The following TRABD2B variants were observed in gnomAD, a reference collection of about 807,000 sequenced individuals.
The protein encoded by TRABD2B is metalloprotease TIKI2.
TRABD2B carries 14 observed loss-of-function variants against 40.1 expected under a neutral mutation model. The ratio of observed to expected loss-of-function variants is 0.35; its 90% CI spans 0.23 to 0.55. The LOEUF (loss-of-function observed/expected upper bound fraction) is 0.55. Among genes scored for constraint, TRABD2B ranks in the 20% least tolerant of loss-of-function variants. The probability of loss-of-function intolerance (pLI) is 0.90; values close to 1 mark genes in which losing one functional copy is unlikely to be tolerated. For synonymous variants in TRABD2B, 263 were observed against 277.0 expected (o/e 0.95, Z 0.50); for missense variants, 541 against 648.6 (o/e 0.83, Z 1.80).
Position 47,996,136 on chromosome 1 carries a change from C to G in TRABD2B, c.102+552G>C, listed in dbSNP as rs1646087647. Among the ~76,000 whole-genome samples, 1 of 151,924 alleles carries G rather than the reference C, an allele frequency of 6.6e-6. No individual in the cohort carries two copies. Among genetic ancestry groups the G allele is most frequent in the Non-Finnish European group, 1.5e-5 (1 of 68,000 alleles). ...CTTCCCTCTTTTCACGAAATATGGA[C>G]GCTTGGGAGAGTAGGTGGTGGGAGC... On this transcript the variant is annotated intron_variant, in intron 1 of 6. Transcript: ENST00000606738. This position sits in a 1 kb window ranked among gnomAD's most constrained non-coding sequence, Gnocchi z 4.6.
chr1:47,955,730 A>G (rs1645410779), intron 2 of TRABD2B, among the ~76,000 whole-genome samples: 1 of 151,770 alleles, frequency 6.6e-6, no homozygotes. Context: ...ACCCCAACTC[A>G]TTAGCCTCAG....
chr1:47,804,493 G>A (rs569108726), intron 2 of TRABD2B, among the ~76,000 whole-genome samples: 7 of 152,246 alleles, frequency 4.6e-5, no homozygotes, highest in East Asian at 1.9e-4. Flanking sequence ...TCTCGGCGTC[G>A]GCTTGGCCAA....
chr1:47,912,443 T>C (rs1395669338), intron 2 of TRABD2B, among the ~76,000 whole-genome samples: 4 of 152,230 alleles, frequency 2.6e-5, no homozygotes, highest in Admixed American at 6.5e-5. Context: ...TATGTACTTA[T>C]GATTAAATAA....
intron 2 of TRABD2B, among the ~76,000 whole-genome samples, chr1:47,864,870 C>G (rs1161480488): frequency 6.6e-6 from 1 of 152,142 alleles, no homozygotes; most frequent in African/African-American, 2.4e-5. Context: ...TCAGTTACCC[C>G]AACAGCACCC....
chr1:47,961,805 A>C (rs1266399053), intron 2 of TRABD2B, among the ~76,000 whole-genome samples: 3 of 152,354 alleles, frequency 2.0e-5, no homozygotes, highest in East Asian at 1.9e-4. Context: ...GACAGTGTGG[A>C]GACTCCTCAA....
chr1:47,780,976 C>T (rs1303084358), intron 4 of TRABD2B, among the ~76,000 whole-genome samples: 1 of 152,236 alleles, frequency 6.6e-6, no homozygotes, highest in Non-Finnish European at 1.5e-5. Context: ...TTGACCGACT[C>T]CTTGGGGCAA....
intron 2 of TRABD2B, among the ~76,000 whole-genome samples, chr1:47,835,092 TA>T (rs1645300950): frequency 6.6e-6 from 1 of 152,126 alleles, no homozygotes; most frequent in Non-Finnish European, 1.5e-5. Context: ...AAACAGAAAT[TA>T]TTTTAAAGAA....
intron 6 of TRABD2B, among the ~76,000 whole-genome samples, chr1:47,770,997 C>G (rs1006701800): frequency 6.6e-6 from 1 of 152,338 alleles, no homozygotes; most frequent in Non-Finnish European, 1.5e-5. Context: ...GGATTTGAAC[C>G]CCATTCTGCC....
chr1:47,817,440 A>G (rs1409447623), intron 2 of TRABD2B, among the ~76,000 whole-genome samples: 1 of 151,856 alleles, frequency 6.6e-6, no homozygotes, highest in Admixed American at 6.6e-5. Flanking sequence ...CCCTTTTCAA[A>G]ATACCTCCCC....
chr1:47,772,439 A>G (rs2124018526), intron 6 of TRABD2B, among the ~76,000 whole-genome samples: 1 of 151,868 alleles, frequency 6.6e-6, no homozygotes, highest in South Asian at 2.1e-4. Context: ...GCTGAGGCGG[A>G]AAGAAGGTGA....
intron 3 of TRABD2B, among the ~76,000 whole-genome samples, chr1:47,800,283 G>T (rs1205605890): frequency 6.6e-6 from 1 of 152,224 alleles, no homozygotes; most frequent in African/African-American, 2.4e-5. Flanking sequence ...TGGTCATGCA[G>T]GCCAGGTTGC....
At chr1:47,910,905 T>C (rs541962999) in intron 2 of TRABD2B, among the ~76,000 whole-genome samples, 2 of 152,304 alleles carry the variant, frequency 1.3e-5, no homozygotes, top group Admixed American at 1.3e-4. Context: ...GACCAAGTTG[T>C]GGCCAATGGC....
At chr1:47,931,111 A>T (rs527979555) in intron 2 of TRABD2B, among the ~76,000 whole-genome samples, 1 of 152,380 alleles carries the variant, frequency 6.6e-6, no homozygotes, top group East Asian at 1.9e-4. Context: ...TTCCTGGCAC[A>T]TAGAAGAGAT....
chr1:47,773,126 G>A (rs906543273), intron 6 of TRABD2B, among the ~76,000 whole-genome samples: 4 of 152,214 alleles, frequency 2.6e-5, no homozygotes, highest in Non-Finnish European at 5.9e-5. Context: ...CCCATGGGCT[G>A]GCCCCACCAC....
intron 2 of TRABD2B, among the ~76,000 whole-genome samples, chr1:47,868,941 C>T (rs1036084442): frequency 6.6e-6 from 1 of 152,104 alleles, no homozygotes; most frequent in South Asian, 2.1e-4. Flanking sequence ...CCCAACAGTC[C>T]CTTCTTGGGT....
chr1:47,890,317 T>TG (rs1644427293), intron 2 of TRABD2B, among the ~76,000 whole-genome samples: 1 of 152,180 alleles, frequency 6.6e-6, no homozygotes, highest in Non-Finnish European at 1.5e-5. Context: ...TGCCTAACAC[T>TG]GCCCCAGTTA....
chr1:47,981,031 CAG>C, intron 2 of TRABD2B, among the ~76,000 whole-genome samples: 1 of 151,812 alleles, frequency 6.6e-6, no homozygotes, highest in East Asian at 1.9e-4. Flanking sequence ...TTTTTTTTGA[CAG>C]AGTCTTGCTC....
chr1:47,874,070 G>A (rs1644183315), intron 2 of TRABD2B, among the ~76,000 whole-genome samples: 1 of 152,092 alleles, frequency 6.6e-6, no homozygotes, highest in Admixed American at 6.6e-5. Context: ...TCAGGATAGA[G>A]TGAGTAGCTT....
At chr1:47,845,026 G>T (rs953650554) in intron 2 of TRABD2B, among the ~76,000 whole-genome samples, 2 of 152,148 alleles carry the variant, frequency 1.3e-5, no homozygotes, top group African/African-American at 4.8e-5. Context: ...GTGGAGACAG[G>T]GTGAGGATTC....
Sources: allele counts gnomAD v4.1 joint callset (sites outside exome capture counted in the v4.1 genomes callset), GRCh38; gene constraint gnomAD v4.1.1; non-coding constraint Gnocchi (gnomAD v3.1); transcripts MANE v1.5; gene names NCBI Gene and HGNC (gene_info 2026-07-23, HGNC 2026-07-21).